Variants in CALN1 observed in about 807,000 individuals in gnomAD.
CALN1 encodes the protein calcium-binding protein 8.
A neutral mutation model predicts 30.6 loss-of-function variants in CALN1; 17 were observed. That is an observed-to-expected ratio of 0.56 (90% CI 0.38 to 0.83). The LOEUF (loss-of-function observed/expected upper bound fraction) is 0.83. Among genes scored for constraint, CALN1 ranks in the 40% least tolerant of loss-of-function variants. The probability of loss-of-function intolerance (pLI) is 0.00; values close to 1 mark genes in which losing one functional copy is unlikely to be tolerated. For missense variants in CALN1, 291 were observed against 354.9 expected, an observed-to-expected ratio of 0.82 and a Z score of 1.45; for synonymous variants, 156 against 131.4, an observed-to-expected ratio of 1.19 and a Z score of -1.28.
chr7:71,801,538 A>G (rs944141048), intron 6 of CALN1, among the ~76,000 whole-genome samples: 2 of 151,998 alleles, frequency 1.3e-5, no homozygotes, highest in Non-Finnish European at 2.9e-5. Flanking sequence ...TTGACTTGGG[A>G]AAAATGACTT....
At chr7:72,052,030 T>G (rs904947327) in intron 4 of CALN1, among the ~76,000 whole-genome samples, 1 of 152,192 alleles carries the variant, frequency 6.6e-6, no homozygotes, top group African/African-American at 2.4e-5. Context: ...CTGGCCAATA[T>G]TATGACTTGA....
At chr7:72,140,967 A>C (rs1156856047) in intron 3 of CALN1, among the ~76,000 whole-genome samples, 2 of 152,168 alleles carry the variant, frequency 1.3e-5, no homozygotes, top group African/African-American at 4.8e-5. Flanking sequence ...AATGTCTCTA[A>C]AACAAAAGGT....
intron 3 of CALN1, among the ~76,000 whole-genome samples, chr7:72,109,238 G>C (rs186771974): frequency 6.6e-6 from 1 of 152,016 alleles, no homozygotes; most frequent in East Asian, 1.9e-4. Context: ...GCAGAGAGAA[G>C]ACCACCCTGT....
At chr7:72,183,190 A>G (rs1283102693) in intron 3 of CALN1, among the ~76,000 whole-genome samples, 4 of 152,094 alleles carry the variant, frequency 2.6e-5, no homozygotes, top group Admixed American at 1.3e-4. Flanking sequence ...CAGTCTCCCA[A>G]GTAGCTGGGA....
chr7:72,277,688 C>T (rs1348564443), intron 3 of CALN1, among the ~76,000 whole-genome samples: 1 of 152,170 alleles, frequency 6.6e-6, no homozygotes, highest in Non-Finnish European at 1.5e-5. Flanking sequence ...CACTTCCTGC[C>T]TGTTGTGAAG....
intron 5 of CALN1, among the ~76,000 whole-genome samples, chr7:71,986,929 A>G (rs575074420): frequency 3.5e-4 from 54 of 152,234 alleles, no homozygotes; most frequent in African/African-American, 1.3e-3. Context: ...GGGGTTTGAG[A>G]CCAGCCTGGC....
intron 4 of CALN1, among the ~76,000 whole-genome samples, chr7:72,082,252 T>C (rs868138537): frequency 2.6e-5 from 4 of 152,144 alleles, no homozygotes; most frequent in South Asian, 4.1e-4. Flanking sequence ...TCCCAAAGTG[T>C]TGGGATTACA....
chr7:71,789,662 C>A (rs910404028), intron 6 of CALN1, among the ~76,000 whole-genome samples: 7 of 152,136 alleles, frequency 4.6e-5, no homozygotes, highest in Non-Finnish European at 8.8e-5. Context: ...ACAGGGTTTA[C>A]TTTGGGTCTA....
intron 4 of CALN1, among the ~76,000 whole-genome samples, chr7:72,075,580 G>C (rs1453662707): frequency 1.3e-5 from 2 of 152,142 alleles, no homozygotes; most frequent in Non-Finnish European, 2.9e-5. Flanking sequence ...TAAACACTTT[G>C]TGGGAAATTA....
At chr7:71,958,912 T>A (rs1418651169) in intron 5 of CALN1, among the ~76,000 whole-genome samples, 1 of 152,200 alleles carries the variant, frequency 6.6e-6, no homozygotes, top group Non-Finnish European at 1.5e-5. Context: ...GACTGACAGA[T>A]CAGACCCTCA....
intron 3 of CALN1, among the ~76,000 whole-genome samples, chr7:72,257,323 A>G (rs185086655): frequency 6.6e-6 from 1 of 152,188 alleles, no homozygotes; most frequent in Non-Finnish European, 1.5e-5. Flanking sequence ...CAGCCAAACC[A>G]TATCACCCCA....
intron 1 of CALN1, among the ~76,000 whole-genome samples, chr7:72,423,955 G>A (rs866877163): frequency 5.2e-5 from 5 of 96,890 alleles, no homozygotes; most frequent in African/African-American, 2.7e-4. Context: ...AGAAAGAAGG[G>A]AGGGAGGGAG....
chr7:72,406,615 C>G (rs4991311), intron 1 of CALN1, among the ~76,000 whole-genome samples: 1 of 102,216 alleles, frequency 9.8e-6, no homozygotes, highest in Non-Finnish European at 1.8e-5. Flanking sequence ...TCCTTGTCAG[C>G]TTTTTTTTTT....
At chr7:72,384,898 G>A (rs1240401943) in intron 2 of CALN1, among the ~76,000 whole-genome samples, 4 of 151,968 alleles carry the variant, frequency 2.6e-5, no homozygotes, top group East Asian at 1.9e-4. Context: ...ATTTGAGAAC[G>A]CATATCTGAT....
At chr7:72,475,791 G>A in the CALN1 span, among the ~76,000 whole-genome samples, 1 of 152,064 alleles carries the variant, frequency 6.6e-6, no homozygotes, top group Admixed American at 6.6e-5. Flanking sequence ...ATTCCCATGT[G>A]TCATGGGAGG....
chr7:71,946,088 A>G (rs983543762), intron 5 of CALN1, among the ~76,000 whole-genome samples: 1 of 152,214 alleles, frequency 6.6e-6, no homozygotes, highest in African/African-American at 2.4e-5. Flanking sequence ...GACTTTGTGG[A>G]TTAGCTAGGC....
chr7:72,356,924 T>A (rs539789749), intron 2 of CALN1, among the ~76,000 whole-genome samples: 3 of 152,128 alleles, frequency 2.0e-5, no homozygotes, highest in African/African-American at 4.8e-5. Flanking sequence ...TATGTCTTGC[T>A]CTAAAACCAA....
intron 2 of CALN1, among the ~76,000 whole-genome samples, chr7:72,315,293 T>G (rs1387502708): frequency 3.3e-5 from 5 of 152,114 alleles, no homozygotes; most frequent in African/African-American, 1.2e-4. Flanking sequence ...AAACATTTTT[T>G]AAAAAACCGT....
chr7:72,397,339 G>A (rs1162451447), intron 2 of CALN1, among the ~76,000 whole-genome samples: 1 of 152,184 alleles, frequency 6.6e-6, no homozygotes, highest in African/African-American at 2.4e-5. Context: ...CATTCTAGAA[G>A]ATGACAAGAT....
Sources: allele counts gnomAD v4.1 joint callset (sites outside exome capture counted in the v4.1 genomes callset), GRCh38; gene constraint gnomAD v4.1.1; transcripts MANE v1.5; gene names NCBI Gene and HGNC (gene_info 2026-07-23, HGNC 2026-07-21).